The following MCTP1 variants were observed in gnomAD, a reference collection of about 807,000 sequenced individuals.
MCTP1 encodes multiple C2 and transmembrane domain containing 1.
MCTP1 carries 69 observed loss-of-function variants against 120.6 expected under a neutral mutation model. The observed-to-expected ratio is 0.57, with a 90% CI of 0.47 to 0.70. The LOEUF (loss-of-function observed/expected upper bound fraction) is 0.70, where lower values mean the gene tolerates loss of function less well. Ranked by LOEUF, MCTP1 falls within the 30% of genes least tolerant of loss-of-function variation. The pLI is 0.00. For synonymous variants in MCTP1, 529 were observed against 493.1 expected, an observed-to-expected ratio of 1.07 and a Z score of -0.96; for missense variants, 1,203 against 1,248.8, an observed-to-expected ratio of 0.96 and a Z score of 0.55.
At chr5:94,998,347 C>A (rs946011455) in intron 2 of MCTP1, among the ~76,000 whole-genome samples, 2 of 152,122 alleles carry the variant, frequency 1.3e-5, no homozygotes, top group Non-Finnish European at 2.9e-5. Context: ...AAGAGAAAAT[C>A]GAGTAGCCAC....
intron 1 of MCTP1, among the ~76,000 whole-genome samples, chr5:95,223,700 G>T (rs1562253719): frequency 6.6e-6 from 1 of 151,944 alleles, no homozygotes; most frequent in Non-Finnish European, 1.5e-5. Flanking sequence ...ATCTAAATTT[G>T]GAAAAAAATA....
intron 19 of MCTP1, among the ~76,000 whole-genome samples, chr5:94,756,815 GT>G (rs1398087010): frequency 4.6e-5 from 7 of 151,858 alleles, no homozygotes; most frequent in Non-Finnish European, 7.4e-5. Context: ...TCAATCAAAT[GT>G]TTACTTTTTG....
chr5:94,918,062 C>G (rs1231312860), intron 7 of MCTP1, 89 bp from the exon 8 acceptor site: 1 of 954,650 alleles, frequency 1.0e-6, no homozygotes, highest in Non-Finnish European at 1.6e-6. Context: ...AATTACTCTT[C>G]AGAAAACATT....
At chr5:94,799,912 C>G (rs1187687388) in intron 17 of MCTP1, among the ~76,000 whole-genome samples, 1 of 152,000 alleles carries the variant, frequency 6.6e-6, no homozygotes, top group East Asian at 1.9e-4. Context: ...ATGACTCACC[C>G]CCACCCGACA....
intron 1 of MCTP1, among the ~76,000 whole-genome samples, chr5:95,169,090 G>C (rs1028157526): frequency 4.6e-5 from 7 of 151,954 alleles, no homozygotes; most frequent in African/African-American, 1.4e-4. Context: ...CTAATTTATT[G>C]AGTTTTTATC....
intron 2 of MCTP1, chr5:94,979,106 A>AT (rs1828804156): frequency 6.6e-6 from 1 of 152,148 alleles, no homozygotes; most frequent in African/African-American, 2.4e-5. Context: ...TTAAGGGGCC[A>AT]GTTGCCACGG....
At chr5:94,940,751 T>C (rs1486121145) in intron 4 of MCTP1, among the ~76,000 whole-genome samples, 1 of 151,386 alleles carries the variant, frequency 6.6e-6, no homozygotes, top group Admixed American at 6.6e-5. Flanking sequence ...CATTTTTTAA[T>C]GATTACATGA....
chr5:94,889,082 A>G, intron 11 of MCTP1, 110 bp from the exon 12 acceptor site: 1 of 684,118 alleles, frequency 1.5e-6, no homozygotes, highest in South Asian at 2.0e-5. Context: ...TGGGGGTAAG[A>G]AGATCAACAT....
chr5:94,957,654 T>C (rs1436080282), intron 2 of MCTP1, among the ~76,000 whole-genome samples: 3 of 150,812 alleles, frequency 2.0e-5, no homozygotes, highest in Non-Finnish European at 3.0e-5. Flanking sequence ...CCAATGAAGA[T>C]TAAAAAAAAA....
At chr5:94,768,634 A>G (rs1773361853) in intron 19 of MCTP1, among the ~76,000 whole-genome samples, 1 of 152,186 alleles carries the variant, frequency 6.6e-6, no homozygotes, top group Admixed American at 6.5e-5. Context: ...CATATGAAAA[A>G]ATGCTCAATA....
intron 19 of MCTP1, among the ~76,000 whole-genome samples, chr5:94,715,566 C>A (rs1233111208): frequency 2.0e-5 from 3 of 152,048 alleles, no homozygotes; most frequent in Non-Finnish European, 4.4e-5. Context: ...CATTTTAAAA[C>A]ATACTGAATT....
chr5:95,256,624 G>A (rs1757922948), intron 1 of MCTP1, among the ~76,000 whole-genome samples: 1 of 152,148 alleles, frequency 6.6e-6, no homozygotes, highest in South Asian at 2.1e-4. Context: ...TTCCACAGCT[G>A]TGTAACCAAT....
intron 1 of MCTP1, among the ~76,000 whole-genome samples, chr5:95,101,015 T>C (rs1756680821): frequency 6.6e-6 from 1 of 152,198 alleles, no homozygotes; most frequent in South Asian, 2.1e-4. Flanking sequence ...GAACGTTTTA[T>C]GCCAGTGACA....
intron 1 of MCTP1, among the ~76,000 whole-genome samples, chr5:95,088,747 T>C (rs940562216): frequency 9.2e-5 from 14 of 152,220 alleles, no homozygotes; most frequent in Non-Finnish European, 1.5e-4. Flanking sequence ...CATTAACTCA[T>C]GTATTCCTCA....
chr5:95,140,241 G>A (rs1243145086), intron 1 of MCTP1, among the ~76,000 whole-genome samples: 1 of 152,036 alleles, frequency 6.6e-6, no homozygotes, highest in Non-Finnish European at 1.5e-5. Context: ...CATTGATTCT[G>A]GTCCTGTTTT....
At chr5:95,231,558 C>G (rs1754947188) in intron 1 of MCTP1, among the ~76,000 whole-genome samples, 3 of 152,132 alleles carry the variant, frequency 2.0e-5, no homozygotes, top group Admixed American at 2.0e-4. Flanking sequence ...ACATTTGACT[C>G]AATTTACTGC....
chr5:94,767,988 C>T (rs1463697643), intron 19 of MCTP1, among the ~76,000 whole-genome samples: 1 of 152,076 alleles, frequency 6.6e-6, no homozygotes, highest in Non-Finnish European at 1.5e-5. Context: ...ACATCACAAT[C>T]CTTGACTTCA....
At chr5:95,209,065 A>G (rs926535792) in intron 1 of MCTP1, among the ~76,000 whole-genome samples, 1 of 152,046 alleles carries the variant, frequency 6.6e-6, no homozygotes, top group Admixed American at 6.6e-5. Context: ...TTCCACCACA[A>G]TTCTTGAGCT....
At chr5:94,877,423 G>T (rs1799131048) in intron 12 of MCTP1, among the ~76,000 whole-genome samples, 1 of 151,528 alleles carries the variant, frequency 6.6e-6, no homozygotes, top group African/African-American at 2.4e-5. Context: ...TCTCCCATGA[G>T]AATTAACACT....
Sources: allele counts gnomAD v4.1 joint callset (sites outside exome capture counted in the v4.1 genomes callset), GRCh38; gene constraint gnomAD v4.1.1; transcripts MANE v1.5; gene names NCBI Gene and HGNC (gene_info 2026-07-23, HGNC 2026-07-21).